FSTL5: variants seen among roughly 807,000 people sequenced by gnomAD.
The protein encoded by FSTL5 is follistatin-related protein 5.
In FSTL5, 62 loss-of-function variants were observed where a neutral mutation model predicts 89.1. The observed-to-expected ratio is 0.70, with a 90% CI of 0.57 to 0.86. The LOEUF (loss-of-function observed/expected upper bound fraction) is 0.86. Among genes scored for constraint, FSTL5 ranks in the 40% least tolerant of loss-of-function variants. FSTL5 has a pLI of 0.00. For missense variants in FSTL5, 1,057 were observed against 1,001.6 expected, an observed-to-expected ratio of 1.06 and a Z score of -0.75; for synonymous variants, 383 against 346.2, an observed-to-expected ratio of 1.11 and a Z score of -1.18.
chr4:161,761,005 G>A lies in FSTL5; in HGVS notation c.607-1474C>T, dbSNP rs866123646. Among the ~76,000 whole-genome samples the A allele has an allele frequency of 5.3e-5, 8 of 152,152 alleles. No homozygotes were observed. The South Asian group carries it at 1.5e-3, about 28-fold the overall frequency. On this transcript the variant is annotated intron_variant, in intron 5 of 15. Coordinates refer to ENST00000306100, the MANE Select transcript of FSTL5 (RefSeq NM_020116.5). The stretch of plus-strand genomic sequence containing the variant: ...AGCTAAGCAGTGATATGTAATGTTA[G>A]CACATGCAGTGCTAAATAGAACTTT...
intron 6 of FSTL5, among the ~76,000 whole-genome samples, chr4:161,666,131 A>C (rs1231870448): frequency 6.6e-6 from 1 of 152,136 alleles, no homozygotes; most frequent in African/African-American, 2.4e-5. Flanking sequence ...CACCAAGCGG[A>C]AGATAATTGC....
At chr4:161,615,381 G>T (rs1336381451) in intron 7 of FSTL5, among the ~76,000 whole-genome samples, 7 of 146,940 alleles carry the variant, frequency 4.8e-5, no homozygotes, top group Non-Finnish European at 1.0e-4. Flanking sequence ...CAGCAGAATG[G>T]CATGAACCAG....
chr4:162,151,339 C>T (rs1492454), intron 1 of FSTL5, among the ~76,000 whole-genome samples: 115,557 of 152,034 alleles, frequency 0.76, 44,301 homozygotes, highest in Non-Finnish European at 0.81. Flanking sequence ...ATATGAGACA[C>T]GGTCCTTGGT....
chr4:161,551,143 C>T (rs1732198004), intron 8 of FSTL5, among the ~76,000 whole-genome samples: 1 of 151,216 alleles, frequency 6.6e-6, no homozygotes, highest in Non-Finnish European at 1.5e-5. Context: ...GTTCTAGATC[C>T]CTGAGGAATC....
intron 6 of FSTL5, among the ~76,000 whole-genome samples, chr4:161,657,836 C>T (rs912558666): frequency 1.3e-5 from 2 of 152,172 alleles, no homozygotes; most frequent in African/African-American, 4.8e-5. Context: ...TCACCACTGG[C>T]TGACACCTCA....
chr4:161,903,740 G>A (rs1323158861), intron 4 of FSTL5, among the ~76,000 whole-genome samples: 2 of 150,118 alleles, frequency 1.3e-5, no homozygotes, highest in East Asian at 2.0e-4. Context: ...CACTTGGAGG[G>A]ATATTATATG....
intron 2 of FSTL5, among the ~76,000 whole-genome samples, chr4:162,059,530 A>C (rs1378219716): frequency 6.6e-6 from 1 of 152,164 alleles, no homozygotes; most frequent in African/African-American, 2.4e-5. Flanking sequence ...ATTTATCAAA[A>C]CTATGTAATA....
chr4:162,014,541 T>C (rs915065555), intron 3 of FSTL5, among the ~76,000 whole-genome samples: 2 of 147,020 alleles, frequency 1.4e-5, no homozygotes, highest in Non-Finnish European at 3.1e-5. Flanking sequence ...TTGAGTTAGA[T>C]AAATTTGTGG....
At chr4:161,475,416 C>T (rs34017570) in intron 13 of FSTL5, among the ~76,000 whole-genome samples, 13,538 of 152,078 alleles carry the variant, frequency 0.089, 843 homozygotes, top group South Asian at 0.21. Context: ...TCTCACAGGT[C>T]CCTTAGACTT....
chr4:161,787,893 AT>A (rs1288623780), intron 4 of FSTL5, among the ~76,000 whole-genome samples: 1 of 152,118 alleles, frequency 6.6e-6, no homozygotes, highest in Non-Finnish European at 1.5e-5. Flanking sequence ...TTTTTCATTA[AT>A]TTGCCTTTTC....
chr4:161,925,360 TG>T (rs1734094052), intron 3 of FSTL5, among the ~76,000 whole-genome samples: 1 of 151,932 alleles, frequency 6.6e-6, no homozygotes, highest in African/African-American at 2.4e-5. Context: ...ATTTACTTTT[TG>T]TTTCATGCTA....
intron 15 of FSTL5, among the ~76,000 whole-genome samples, chr4:161,400,276 C>G (rs1334473808): frequency 6.6e-6 from 1 of 151,774 alleles, no homozygotes; most frequent in Non-Finnish European, 1.5e-5. Context: ...TACTTTTGTA[C>G]TGAGAAAAAA....
intron 6 of FSTL5, among the ~76,000 whole-genome samples, chr4:161,745,281 A>G (rs1740159698): frequency 6.6e-6 from 1 of 152,092 alleles, no homozygotes; most frequent in African/African-American, 2.4e-5. Context: ...GGATTAGAAA[A>G]CACAGATGAA....
intron 6 of FSTL5, among the ~76,000 whole-genome samples, chr4:161,721,309 T>A (rs113179597): frequency 0.24 from 26,204 of 111,456 alleles, 3,717 homozygotes; most frequent in East Asian, 0.54. Flanking sequence ...AAAAAAAAAA[T>A]TTTTCTAAGA....
chr4:161,848,049 A>AC (rs1298406826), intron 4 of FSTL5, among the ~76,000 whole-genome samples: 5 of 141,286 alleles, frequency 3.5e-5, no homozygotes, highest in South Asian at 4.2e-4. Flanking sequence ...AAAAAAAAAA[A>AC]AAAAAAAAAA....
intron 15 of FSTL5, among the ~76,000 whole-genome samples, chr4:161,426,816 T>C (rs1312664968): frequency 2.6e-5 from 4 of 152,204 alleles, no homozygotes; most frequent in African/African-American, 9.7e-5. Context: ...GTTTACCTAA[T>C]GGTCTCTAGC....
chr4:161,944,603 T>A (rs1272684200), intron 3 of FSTL5, among the ~76,000 whole-genome samples: 1 of 151,806 alleles, frequency 6.6e-6, no homozygotes, highest in Admixed American at 6.6e-5. Flanking sequence ...AGAAATTGGA[T>A]AGAAAATTAC....
intron 4 of FSTL5, among the ~76,000 whole-genome samples, chr4:161,846,383 A>G (rs1351921548): frequency 1.3e-5 from 2 of 152,132 alleles, no homozygotes; most frequent in Non-Finnish European, 2.9e-5. Flanking sequence ...ATAAAATAAT[A>G]GACAATATAT....
intron 3 of FSTL5, among the ~76,000 whole-genome samples, chr4:162,019,045 G>A (rs1442618604): frequency 1.3e-5 from 2 of 152,016 alleles, no homozygotes; most frequent in African/African-American, 4.8e-5. Context: ...TATTATTCGT[G>A]TTATTTGGGA....
Sources: gnomAD v4.1 joint callset for allele counts (sites outside exome capture counted in the v4.1 genomes callset) on GRCh38, gnomAD v4.1.1 for gene constraint, MANE v1.5 for transcripts, NCBI Gene and HGNC (gene_info 2026-07-23, HGNC 2026-07-21) for gene names.